Variants in DLGAP2 observed in about 807,000 individuals in gnomAD.
DLGAP2 encodes the protein disks large-associated protein 2.
A neutral mutation model predicts 100.3 loss-of-function variants in DLGAP2; 26 were observed. The observed-to-expected ratio is 0.26, with a 90% CI of 0.19 to 0.36. The LOEUF is 0.36. Ranked by LOEUF, DLGAP2 falls within the 10% of genes least tolerant of loss-of-function variation. The pLI is 1.00. For missense variants in DLGAP2, 1,858 were observed against 1,453.2 expected (o/e 1.28, Z -4.53); for synonymous variants, 886 against 630.1 (o/e 1.41, Z -6.08).
chr8:846,428 G>A (rs1300288866), intron 1 of DLGAP2, among the ~76,000 whole-genome samples: 22 of 152,152 alleles, frequency 1.4e-4, no homozygotes, highest in Admixed American at 1.4e-3. Flanking sequence ...CTTAACATAT[G>A]TCCTTTATAT....
intron 3 of DLGAP2, among the ~76,000 whole-genome samples, chr8:1,470,775 A>ACTC (rs1798762047): frequency 1.3e-5 from 1 of 75,982 alleles, no homozygotes; most frequent in Non-Finnish European, 3.2e-5. Context: ...GCCTTTCCCG[A>ACTC]CTCCCCCAGC....
chr8:1,172,945 A>G (rs1291906879), intron 2 of DLGAP2, among the ~76,000 whole-genome samples: 3 of 152,132 alleles, frequency 2.0e-5, no homozygotes, highest in Admixed American at 6.5e-5. Context: ...GCTTTGGAGG[A>G]GGAGAGGTGC....
rs61659586 is a variant in DLGAP2, at chr8:1,267,917, A to G, written c.106+9034A>G. On this transcript the variant is annotated intron_variant, in intron 3 of 14. Coordinates refer to ENST00000637795, the MANE Select transcript of DLGAP2 (RefSeq NM_001346810.2). ...AGCCCTGTAGTTTTGAATCAAATAC[A>G]TAAAGCTGGCTTCATGGATGTCTGT... 6.8e-3 allele frequency among the ~76,000 whole-genome samples: 1,032 copies of G among 152,320 alleles called. 6 individuals carry two copies. The highest frequency in any genetic ancestry group is 0.024 in the African/African-American group (981 of 41,576).
At chr8:1,269,987 C>G (rs1346546289) in intron 3 of DLGAP2, among the ~76,000 whole-genome samples, 5 of 152,168 alleles carry the variant, frequency 3.3e-5, no homozygotes, top group African/African-American at 1.2e-4. Flanking sequence ...CATCTTGAAA[C>G]CGGTATTTTC....
At chr8:1,373,804 T>G (rs530684889) in intron 3 of DLGAP2, 2 of 152,286 alleles carry the variant, frequency 1.3e-5, no homozygotes, top group Non-Finnish European at 2.9e-5. Flanking sequence ...TCAGGTTCAA[T>G]GCACGGAATC....
At chr8:919,362 A>G (rs150818170) in intron 2 of DLGAP2, among the ~76,000 whole-genome samples, 39 of 152,194 alleles carry the variant, frequency 2.6e-4, no homozygotes, top group Non-Finnish European at 4.7e-4. Context: ...GTGCTTTCTG[A>G]TGTTCTCAGT....
chr8:905,137 T>G (rs1798351747), intron 1 of DLGAP2, among the ~76,000 whole-genome samples: 1 of 151,880 alleles, frequency 6.6e-6, no homozygotes, highest in Non-Finnish European at 1.5e-5. Flanking sequence ...CCCTGGAAGG[T>G]TGATGATTTG....
intron 12 of DLGAP2, among the ~76,000 whole-genome samples, chr8:1,679,394 A>C (rs55751025): frequency 0.017 from 1,908 of 110,624 alleles, 47 homozygotes; most frequent in African/African-American, 0.07. Context: ...GTCACCACCA[A>C]AGGTCTCACT....
At chr8:1,607,134 A>T (rs1351285245) in intron 6 of DLGAP2, among the ~76,000 whole-genome samples, 2 of 152,250 alleles carry the variant, frequency 1.3e-5, no homozygotes, top group Admixed American at 1.3e-4. Flanking sequence ...ATATAATATT[A>T]AATAACATAA....
chr8:848,268 ATCGTGTGGTGTGTGTTCC>A (rs1797108231), intron 1 of DLGAP2, among the ~76,000 whole-genome samples: 1 of 151,792 alleles, frequency 6.6e-6, no homozygotes, highest in Non-Finnish European at 1.5e-5. Context: ...CCAGTATAGG[ATCGTGTGGTGTGTGTTCC>A]AATATAGAAA....
intron 1 of DLGAP2, among the ~76,000 whole-genome samples, chr8:743,908 G>C (rs1263563075): frequency 6.6e-6 from 1 of 152,258 alleles, no homozygotes; most frequent in Non-Finnish European, 1.5e-5. Context: ...GGGTCTTCAT[G>C]TCTGGATCAC....
chr8:1,304,216 C>T (rs1166182136), intron 3 of DLGAP2, among the ~76,000 whole-genome samples: 6 of 152,198 alleles, frequency 3.9e-5, no homozygotes, highest in Non-Finnish European at 7.3e-5. Context: ...TTTGTGTCCA[C>T]GCTGGACTCT....
intron 2 of DLGAP2, among the ~76,000 whole-genome samples, chr8:1,198,044 G>A (rs567613555): frequency 2.6e-5 from 4 of 152,150 alleles, no homozygotes; most frequent in South Asian, 2.1e-4. Flanking sequence ...AGCCATGGCC[G>A]TGGATGAGGA....
intron 6 of DLGAP2, among the ~76,000 whole-genome samples, chr8:1,617,690 T>C (rs899789920): frequency 6.6e-6 from 1 of 152,254 alleles, no homozygotes; most frequent in African/African-American, 2.4e-5. Context: ...ATAGTTTCTT[T>C]TGCTGTGCAG....
intron 3 of DLGAP2, among the ~76,000 whole-genome samples, chr8:1,432,300 A>C (rs1797474149): frequency 6.6e-6 from 1 of 152,254 alleles, no homozygotes; most frequent in African/African-American, 2.4e-5. Flanking sequence ...CAGCTGCCAA[A>C]TTTAATCTGA....
At chr8:1,131,733 G>A (rs1796300182) in intron 2 of DLGAP2, among the ~76,000 whole-genome samples, 1 of 152,072 alleles carries the variant, frequency 6.6e-6, no homozygotes, top group African/African-American at 2.4e-5. Context: ...GTTCTGGTAA[G>A]ATATGCTGTG....
intron 2 of DLGAP2, among the ~76,000 whole-genome samples, chr8:1,054,888 T>G (rs1181470320): frequency 6.6e-6 from 1 of 152,240 alleles, no homozygotes; most frequent in Non-Finnish European, 1.5e-5. Flanking sequence ...ATGCTTTGTG[T>G]TTGTTTTATA....
chr8:1,352,346 C>T (rs1293930297), intron 3 of DLGAP2, among the ~76,000 whole-genome samples: 3 of 151,740 alleles, frequency 2.0e-5, no homozygotes, highest in Non-Finnish European at 2.9e-5. Context: ...AGGCTGTGCT[C>T]CTCCTGTCCC....
chr8:828,662 C>G (rs530284342), intron 1 of DLGAP2, among the ~76,000 whole-genome samples: 7 of 152,276 alleles, frequency 4.6e-5, no homozygotes, highest in African/African-American at 1.7e-4. Flanking sequence ...AAAGTAAAGA[C>G]AGGCATAGGA....
Sources: allele counts gnomAD v4.1 joint callset (sites outside exome capture counted in the v4.1 genomes callset), GRCh38; gene constraint gnomAD v4.1.1; transcripts MANE v1.5; gene names NCBI Gene and HGNC (gene_info 2026-07-23, HGNC 2026-07-21).